Variants in ATAD2B observed in about 807,000 individuals in gnomAD.
ATAD2B encodes ATPase family AAA domain-containing protein 2B.
ATAD2B carries 40 observed loss-of-function variants against 167.6 expected under a neutral mutation model. The observed-to-expected ratio is 0.24, with a 90% confidence interval of 0.19 to 0.31. The LOEUF (loss-of-function observed/expected upper bound fraction) is 0.31, where lower values mean the gene tolerates loss of function less well. ATAD2B is among the 10% of genes least tolerant of loss of function. The pLI is 1.00. For missense variants in ATAD2B, 1,242 were observed against 1,757.2 expected, an observed-to-expected ratio of 0.71 and a Z score of 5.24; for synonymous variants, 579 against 596.5, an observed-to-expected ratio of 0.97 and a Z score of 0.43.
At chr2:23,863,196 C>T (rs1406692367) in intron 12 of ATAD2B, among the ~76,000 whole-genome samples, 185 bp downstream of exon 12, 1 of 152,074 alleles carries the variant, frequency 6.6e-6, no homozygotes, top group Non-Finnish European at 1.5e-5. Context: ...GTTCAGGCTA[C>T]TGGGGCAAGG....
At chr2:23,682,976 C>T in the ATAD2B span, among the ~76,000 whole-genome samples, 1 of 152,242 alleles carries the variant, frequency 6.6e-6, no homozygotes, top group Non-Finnish European at 1.5e-5. This position sits in a 1 kb window ranked among gnomAD's most constrained non-coding sequence, Gnocchi z 4.1. Context: ...CCCCTCCCAC[C>T]GTCTTCCTTG....
intron 1 of ATAD2B, among the ~76,000 whole-genome samples, chr2:23,909,746 T>G (rs1325158651): frequency 6.6e-6 from 1 of 152,146 alleles, no homozygotes; most frequent in Non-Finnish European, 1.5e-5. Flanking sequence ...TCATAATGTG[T>G]AGAAAATAAA....
intron 6 of ATAD2B, among the ~76,000 whole-genome samples, chr2:23,881,524 G>A (rs958318123): frequency 3.3e-5 from 5 of 151,674 alleles, no homozygotes; most frequent in African/African-American, 1.2e-4. Flanking sequence ...ACCACGCCCG[G>A]CTCATTTTTT....
intron 2 of ATAD2B, among the ~76,000 whole-genome samples, chr2:23,889,538 G>C (rs1340167719): frequency 1.1e-4 from 16 of 152,112 alleles, no homozygotes; most frequent in Admixed American, 1.0e-3. Context: ...GGTTACTCCA[G>C]TACTCTTCAA....
chr2:23,805,072 G>A (rs1216502194), intron 18 of ATAD2B, among the ~76,000 whole-genome samples: 1 of 151,738 alleles, frequency 6.6e-6, no homozygotes, highest in Non-Finnish European at 1.5e-5. Flanking sequence ...GAACCCGGGA[G>A]GCGGAGGTTG....
chr2:23,834,318 C>A (rs186877316), intron 13 of ATAD2B, among the ~76,000 whole-genome samples: 3 of 151,928 alleles, frequency 2.0e-5, no homozygotes, highest in Middle Eastern at 3.4e-3. Context: ...CACGCCACCA[C>A]GCCCAGCTAA....
chr2:23,879,601 T>C lies in ATAD2B; in HGVS notation c.901+1038A>G, dbSNP rs573010733. Among the ~76,000 whole-genome samples the C allele has an allele frequency of 5.9e-5, 9 of 152,286 alleles. No individual in the cohort carries two copies. In the South Asian group the frequency reaches 6.2e-4, roughly 11 times the overall value. Reference sequence around the variant, plus strand: ...CCATTACACTGCACCATGAACAACATAGTGAGATCCCTTCTCTAAAAGATA... The same window carrying C: ...CCATTACACTGCACCATGAACAACACAGTGAGATCCCTTCTCTAAAAGATA... On this transcript the variant is annotated intron_variant, in intron 7 of 27. Coordinates refer to ENST00000238789, the MANE Select transcript of ATAD2B (RefSeq NM_017552.4).
intron 7 of ATAD2B, 38 bp downstream of exon 7, chr2:23,880,601 A>T (rs779996462): frequency 9.6e-5 from 115 of 1,200,740 alleles, no homozygotes; most frequent in Non-Finnish European, 1.2e-4. Context: ...TAAGTTACTC[A>T]ACTACCAGAA....
At chr2:23,728,489 T>A in the ATAD2B span, among the ~76,000 whole-genome samples, 358 of 152,150 alleles carry the variant, frequency 2.4e-3, 1 homozygote, top group African/African-American at 7.4e-3. Flanking sequence ...CGAAAAAAAG[T>A]CAACAAAGAT....
intron 19 of ATAD2B, among the ~76,000 whole-genome samples, chr2:23,797,565 C>T (rs1410548406): frequency 6.6e-6 from 1 of 152,012 alleles, no homozygotes; most frequent in Non-Finnish European, 1.5e-5. Flanking sequence ...AGCTGAGTAT[C>T]CCTTTTCCAA....
At chr2:23,865,063 GA>G (rs1018601759) in intron 10 of ATAD2B, 139 bp from the exon 11 acceptor site, 45 of 466,052 alleles carry the variant, frequency 9.7e-5, no homozygotes, top group East Asian at 2.6e-4. Context: ...AATAAGTGTA[GA>G]AAAAAAAGGC....
At chr2:23,849,796 C>T (rs1291550761) in intron 13 of ATAD2B, among the ~76,000 whole-genome samples, 1 of 152,046 alleles carries the variant, frequency 6.6e-6, no homozygotes, top group East Asian at 1.9e-4. Context: ...CACTGCACTC[C>T]AGCCTGGGCG....
At chr2:23,908,090 C>A (rs1016123088) in intron 1 of ATAD2B, among the ~76,000 whole-genome samples, 1 of 152,144 alleles carries the variant, frequency 6.6e-6, no homozygotes, top group Middle Eastern at 3.2e-3. Context: ...GCAAGGACTT[C>A]GTGTCTAAAA....
intron 12 of ATAD2B, among the ~76,000 whole-genome samples, chr2:23,862,882 C>A (rs917675765): frequency 2.6e-5 from 4 of 152,056 alleles, no homozygotes; most frequent in African/African-American, 9.7e-5. Flanking sequence ...ACCTCGCAGC[C>A]ACCTCAATAA....
chr2:23,913,378 G>A (rs746105952), intron 1 of ATAD2B, among the ~76,000 whole-genome samples: 1 of 152,006 alleles, frequency 6.6e-6, no homozygotes, highest in Non-Finnish European at 1.5e-5. Context: ...GCTCACTCAC[G>A]CCTGTAATCC....
chr2:23,868,096 A>G (rs1057018482), intron 9 of ATAD2B, 150 bp from the exon 10 acceptor site: 5 of 604,822 alleles, frequency 8.3e-6, no homozygotes, highest in Admixed American at 3.3e-5. Flanking sequence ...CTTTTACTCT[A>G]CTTTTCTTAC....
intron 15 of ATAD2B, among the ~76,000 whole-genome samples, chr2:23,827,259 T>G (rs1305908057): frequency 6.6e-6 from 1 of 152,030 alleles, no homozygotes. Context: ...TAAGAGAAAT[T>G]TATCAGTCCT....
intron 1 of ATAD2B, among the ~76,000 whole-genome samples, chr2:23,904,114 G>A (rs1024069233): frequency 6.6e-6 from 1 of 152,020 alleles, no homozygotes; most frequent in African/African-American, 2.4e-5. Flanking sequence ...GTTGAAGTGA[G>A]TTAAGGAGCA....
chr2:23,747,436 T>TCA (rs1345557258), downstream of ATAD2B, among the ~76,000 whole-genome samples: 1 of 151,718 alleles, frequency 6.6e-6, no homozygotes, highest in African/African-American at 2.4e-5. Flanking sequence ...ATATGAAAGG[T>TCA]CACACACACA....
Sources: allele counts gnomAD v4.1 joint callset (sites outside exome capture counted in the v4.1 genomes callset), GRCh38; gene constraint gnomAD v4.1.1; non-coding constraint Gnocchi (gnomAD v3.1); transcripts MANE v1.5; gene names NCBI Gene and HGNC (gene_info 2026-07-23, HGNC 2026-07-21).